Variants in PIK3C3 observed in about 807,000 individuals in gnomAD.
The protein encoded by PIK3C3 is PI3-kinase type 3.
Under a neutral mutation model 126.1 loss-of-function variants are expected in PIK3C3, and 95 were observed. That is an observed-to-expected ratio of 0.75 (90% CI 0.64 to 0.89). PIK3C3 has a LOEUF of 0.89. PIK3C3 is among the 40% of genes least tolerant of loss of function. The probability of loss-of-function intolerance (pLI) is 0.00; values close to 1 mark genes in which losing one functional copy is unlikely to be tolerated. For synonymous variants in PIK3C3, 374 were observed against 360.0 expected (o/e 1.04, Z -0.44); for missense variants, 829 against 1,063.2 (o/e 0.78, Z 3.06).
chr18:41,974,168 T>C (rs1464672085), intron 4 of PIK3C3, among the ~76,000 whole-genome samples: 1 of 152,152 alleles, frequency 6.6e-6, no homozygotes, highest in African/African-American at 2.4e-5. Flanking sequence ...AGATTAACTA[T>C]TTAATGGCCT....
At chr18:41,955,428 G>C (rs761558931) in intron 1 of PIK3C3, 69 bp downstream of exon 1, 1 of 1,325,590 alleles carries the variant, frequency 7.5e-7, no homozygotes, top group South Asian at 1.2e-5. Context: ...GGGCCTGTTG[G>C]GAGTGAGAGG....
At chr18:42,070,602 C>G (rs1003056445) in intron 24 of PIK3C3, 1 of 151,992 alleles carries the variant, frequency 6.6e-6, no homozygotes, top group Non-Finnish European at 1.5e-5. Flanking sequence ...TTTGGTTTAC[C>G]AAAGTCTCTG....
chr18:41,997,735 T>C (rs1373451602), intron 9 of PIK3C3, among the ~76,000 whole-genome samples: 1 of 152,132 alleles, frequency 6.6e-6, no homozygotes, highest in Non-Finnish European at 1.5e-5. Context: ...GTGAGGAAAC[T>C]TGAGCCTCAG....
intron 16 of PIK3C3, 142 bp downstream of exon 16, chr18:42,034,099 C>T (rs2144453670): frequency 2.1e-6 from 1 of 486,778 alleles, no homozygotes; most frequent in Non-Finnish European, 3.4e-6. Context: ...TTGAAGGGTA[C>T]CTTTTATTTA....
intron 16 of PIK3C3, among the ~76,000 whole-genome samples, chr18:42,036,016 A>G (rs1984033823): frequency 1.3e-5 from 2 of 152,208 alleles, no homozygotes; most frequent in East Asian, 3.8e-4. Flanking sequence ...GAATCTCAAA[A>G]AAGAAATCAC....
chr18:42,068,619 C>T (rs936359812), intron 24 of PIK3C3, among the ~76,000 whole-genome samples: 2 of 152,068 alleles, frequency 1.3e-5, no homozygotes, highest in Admixed American at 6.6e-5. Context: ...TCCCACTTTT[C>T]CCACATTAGC....
intron 10 of PIK3C3, among the ~76,000 whole-genome samples, chr18:42,013,115 T>A (rs1037281027): frequency 5.7e-5 from 5 of 88,384 alleles, no homozygotes; most frequent in Admixed American, 4.5e-4. Flanking sequence ...CCTTCCCACT[T>A]TTTTTTTTTT....
Position 41,996,080 on chromosome 18 carries a change from A to G in PIK3C3, c.891+86A>G, listed in dbSNP as rs904825696. On this transcript the variant is annotated intron_variant, in intron 8 of 24. Coordinates refer to ENST00000262039, the MANE Select transcript of PIK3C3 (RefSeq NM_002647.4). Reference sequence around the variant, plus strand: ...ATAGCTATCACCTCACTTAAAAATTATTTAGATGCACATTTTCTCCAGGTT... The same window carrying G: ...ATAGCTATCACCTCACTTAAAAATTGTTTAGATGCACATTTTCTCCAGGTT... 28 of 815,574 alleles carry G rather than the reference A, an allele frequency of 3.4e-5. No homozygotes were observed. In the African/African-American group the frequency reaches 4.8e-4, roughly 14 times the overall value. The allele number at this position is 815,574 out of a possible 1,614,324, so 50.5% of individuals were successfully genotyped here. A position where few individuals can be genotyped will look rare whatever the true frequency, so the allele number is the denominator to read the frequency against.
intron 1 of PIK3C3, 96 bp from the exon 2 acceptor site, chr18:41,957,474 A>G (rs938386760): frequency 2.5e-6 from 3 of 1,220,356 alleles, no homozygotes; most frequent in African/African-American, 1.6e-5. Flanking sequence ...ATATATGTAC[A>G]TGCTTAAAGC....
chr18:42,070,308 C>G (rs929111079), intron 24 of PIK3C3, among the ~76,000 whole-genome samples: 2 of 152,198 alleles, frequency 1.3e-5, no homozygotes, highest in African/African-American at 4.8e-5. Flanking sequence ...AATTAAGTAG[C>G]ATTTTTGAAG....
intron 3 of PIK3C3, among the ~76,000 whole-genome samples, chr18:41,965,303 G>T (rs1980300706): frequency 6.6e-6 from 1 of 152,190 alleles, no homozygotes; most frequent in African/African-American, 2.4e-5. Flanking sequence ...CATTTTAGGG[G>T]ACTTTAGGAT....
chr18:42,084,888 G>C lies in PIK3C3; in HGVS notation c.*3751G>C, dbSNP rs1986366824. ...CGATGCCTGCTAGATTTAACCAGTA[G>C]ATGAGATGTTAAGTTATCCTGTAGT... On this transcript the variant is annotated 3_prime_UTR_variant, in exon 25 of 25. Transcript: ENST00000262039. 6.6e-6 allele frequency: 1 copy of C among 152,212 alleles called. No homozygotes were observed. 9.4% of individuals were successfully genotyped at this position (152,212 alleles called of 1,614,324 possible). A position where few individuals can be genotyped will look rare whatever the true frequency, so the allele number is the denominator to read the frequency against.
chr18:42,075,186 T>C (rs541984737), intron 24 of PIK3C3, among the ~76,000 whole-genome samples: 23 of 152,298 alleles, frequency 1.5e-4, no homozygotes, highest in African/African-American at 5.5e-4. Flanking sequence ...AGTTTCCATT[T>C]TTAGGGACCT....
Position 42,084,908 on chromosome 18 carries a change from T to C in PIK3C3, c.*3771T>C, listed in dbSNP as rs1251336553. On this transcript the variant is annotated 3_prime_UTR_variant, in exon 25 of 25. Transcript: ENST00000262039. ...CAGTAGATGAGATGTTAAGTTATCC[T>C]GTAGTCCAGAGATTCCACAGGCCAG... 1 of 152,208 alleles carries C rather than the reference T, an allele frequency of 6.6e-6. No homozygotes were observed. The highest frequency in any genetic ancestry group is 1.5e-5 in the Non-Finnish European group (1 of 68,050). The allele number at this position is 152,208 out of a possible 1,614,324, so 9.4% of individuals were successfully genotyped here. A position where few individuals can be genotyped will look rare whatever the true frequency, so the allele number is the denominator to read the frequency against.
intron 22 of PIK3C3, among the ~76,000 whole-genome samples, chr18:42,060,760 G>A (rs1233514174): frequency 2.0e-5 from 3 of 151,970 alleles, no homozygotes. Flanking sequence ...CTAGACAATA[G>A]AGCAAGACTC....
intron 3 of PIK3C3, among the ~76,000 whole-genome samples, chr18:41,967,884 G>C (rs906235690): frequency 6.6e-6 from 1 of 152,148 alleles, no homozygotes; most frequent in Non-Finnish European, 1.5e-5. Flanking sequence ...GCTGTTGCTG[G>C]GGCCTCTGCT....
At chr18:42,012,261 G>T (rs1466637849) in intron 10 of PIK3C3, among the ~76,000 whole-genome samples, 1 of 151,988 alleles carries the variant, frequency 6.6e-6, no homozygotes, top group Non-Finnish European at 1.5e-5. Flanking sequence ...AGGAAATATG[G>T]GTTGCTGGCA....
At chr18:42,006,730 AT>A (rs1234135084) in intron 10 of PIK3C3, among the ~76,000 whole-genome samples, 1 of 151,866 alleles carries the variant, frequency 6.6e-6, no homozygotes, top group Non-Finnish European at 1.5e-5. Context: ...TTTACTGTGA[AT>A]TTTTTTGTTA....
At chr18:42,030,747 G>A (rs1338420121) in intron 15 of PIK3C3, among the ~76,000 whole-genome samples, 1 of 152,200 alleles carries the variant, frequency 6.6e-6, no homozygotes, top group Non-Finnish European at 1.5e-5. Context: ...AGAGGTGGCT[G>A]TGTGGGAAAC....
Sources: allele counts gnomAD v4.1 joint callset (sites outside exome capture counted in the v4.1 genomes callset), GRCh38; gene constraint gnomAD v4.1.1; transcripts MANE v1.5; gene names NCBI Gene and HGNC (gene_info 2026-07-23, HGNC 2026-07-21).